The following DLG2 variants were observed in gnomAD, a reference collection of about 807,000 sequenced individuals.
The protein encoded by DLG2 is discs large MAGUK scaffold protein 2.
DLG2 carries 45 observed loss-of-function variants against 132.5 expected under a neutral mutation model. That is an observed-to-expected ratio of 0.34 (90% CI 0.27 to 0.44). DLG2 has a LOEUF of 0.44. DLG2 is among the 20% of genes least tolerant of loss of function. The pLI, the probability that DLG2 is intolerant of heterozygous loss-of-function variation, is 1.00. For missense variants in DLG2, 1,045 were observed against 1,196.9 expected (o/e 0.87, Z 1.87); for synonymous variants, 424 against 419.6 (o/e 1.01, Z -0.13).
chr11:84,528,492 G>T (rs2099327904), intron 7 of DLG2, among the ~76,000 whole-genome samples: 1 of 152,192 alleles, frequency 6.6e-6, no homozygotes, highest in Non-Finnish European at 1.5e-5. Context: ...AGATTATTCA[G>T]CTAATGATTC....
At chr11:84,757,283 G>C (rs573395027) in intron 6 of DLG2, among the ~76,000 whole-genome samples, 2 of 151,308 alleles carry the variant, frequency 1.3e-5, no homozygotes, top group African/African-American at 4.9e-5. Context: ...CCAAGTAAGT[G>C]TATATCTTTT....
At chr11:85,417,058 A>G (rs892890120) in intron 3 of DLG2, among the ~76,000 whole-genome samples, 7 of 152,156 alleles carry the variant, frequency 4.6e-5, no homozygotes, top group Non-Finnish European at 1.0e-4. Context: ...TTGGCCATTC[A>G]GTATGATATT....
intron 7 of DLG2, among the ~76,000 whole-genome samples, chr11:84,315,156 G>A (rs1485550666): frequency 2.6e-5 from 4 of 151,978 alleles, no homozygotes; most frequent in African/African-American, 7.2e-5. Flanking sequence ...ATCAGTATAC[G>A]GTCTATTTCA....
At chr11:83,599,146 G>A (rs2058105298) in intron 19 of DLG2, among the ~76,000 whole-genome samples, 1 of 152,168 alleles carries the variant, frequency 6.6e-6, no homozygotes, top group African/African-American at 2.4e-5. Flanking sequence ...TACTTGACAT[G>A]CTTGCTTAAT....
intron 7 of DLG2, among the ~76,000 whole-genome samples, chr11:84,354,986 T>C (rs1359516992): frequency 6.6e-6 from 1 of 152,112 alleles, no homozygotes; most frequent in Non-Finnish European, 1.5e-5. Context: ...ACATTTACTA[T>C]ATAGCAAGCA....
chr11:83,472,246 TC>T (rs2092133140), intron 23 of DLG2, among the ~76,000 whole-genome samples: 1 of 152,146 alleles, frequency 6.6e-6, no homozygotes. Context: ...TGGGTACAAG[TC>T]CCCATCTGAT....
chr11:84,021,449 C>T (rs950577367), intron 11 of DLG2, among the ~76,000 whole-genome samples: 3 of 152,100 alleles, frequency 2.0e-5, no homozygotes, highest in Non-Finnish European at 2.9e-5. Flanking sequence ...CCTGGTTGTG[C>T]TGCTGCAGTA....
chr11:84,272,392 T>A (rs1438174952), intron 7 of DLG2: 1 of 364,310 alleles, frequency 2.7e-6, no homozygotes, highest in African/African-American at 2.1e-5. Context: ...AGATTATTTT[T>A]TAAGACTCTT....
chr11:84,070,405 G>A (rs1352181294), intron 10 of DLG2, among the ~76,000 whole-genome samples: 1 of 152,118 alleles, frequency 6.6e-6, no homozygotes, highest in Admixed American at 6.6e-5. Context: ...TGTCCATAAT[G>A]TCCCAATTGC....
intron 6 of DLG2, among the ~76,000 whole-genome samples, chr11:85,079,926 G>A (rs11828495): frequency 0.014 from 2,061 of 152,094 alleles, 45 homozygotes; most frequent in African/African-American, 0.046. Context: ...CACCACACCT[G>A]GCCCACTAGG....
chr11:84,522,802 G>A (rs2099308484), intron 7 of DLG2, among the ~76,000 whole-genome samples: 1 of 152,108 alleles, frequency 6.6e-6, no homozygotes, highest in African/African-American at 2.4e-5. Context: ...TAAGTGTTTT[G>A]CTGTATAGCT....
chr11:84,373,265 C>CAAACAAAAAAAA (rs762481478), intron 7 of DLG2, among the ~76,000 whole-genome samples: 1 of 98,090 alleles, frequency 1.0e-5, no homozygotes, highest in African/African-American at 4.6e-5. Flanking sequence ...AAAAAAAAAA[C>CAAACAAAAAAAA]AAAACAAAAA....
At chr11:85,363,232 C>T (rs957750267) in intron 3 of DLG2, among the ~76,000 whole-genome samples, 1 of 152,162 alleles carries the variant, frequency 6.6e-6, no homozygotes, top group African/African-American at 2.4e-5. Context: ...CAATGTCCTA[C>T]TAAGAAGAAA....
At position 85,537,639 on chromosome 11, in the gene DLG2, C is replaced by A. The variant is rs188901280; in HGVS notation, c.40+61018G>T. On this transcript the variant is annotated intron_variant, in intron 3 of 27. Coordinates refer to ENST00000376104, the MANE Select transcript of DLG2 (RefSeq NM_001142699.3). ...AGCTTCACTCATGAGGCCAGCAAGA[C>A]CACGAACCCACCAGAAGGAATGAAC... Among the ~76,000 whole-genome samples, 963 of 151,878 alleles carry A rather than the reference C, an allele frequency of 6.3e-3. 8 individuals carry two copies. The highest frequency in any genetic ancestry group is 0.012 in the Non-Finnish European group (792 of 68,010).
At chr11:84,335,437 A>G (rs2098480027) in intron 7 of DLG2, among the ~76,000 whole-genome samples, 1 of 152,318 alleles carries the variant, frequency 6.6e-6, no homozygotes, top group Middle Eastern at 3.4e-3. Context: ...CCCAAGTGGG[A>G]ACTGCTACAA....
intron 7 of DLG2, among the ~76,000 whole-genome samples, chr11:84,324,308 T>C (rs1031599650): frequency 2.6e-5 from 4 of 152,140 alleles, no homozygotes; most frequent in African/African-American, 4.8e-5. Flanking sequence ...TAAAAGAGAC[T>C]CTTCTTTCCC....
intron 3 of DLG2, among the ~76,000 whole-genome samples, chr11:85,445,307 C>T (rs1009437205): frequency 1.8e-4 from 28 of 152,090 alleles, no homozygotes; most frequent in African/African-American, 6.8e-4. Flanking sequence ...TTAGACTCTC[C>T]CATCTCCTGG....
At chr11:84,430,610 T>G (rs2098981635) in intron 7 of DLG2, among the ~76,000 whole-genome samples, 1 of 152,164 alleles carries the variant, frequency 6.6e-6, no homozygotes, top group Non-Finnish European at 1.5e-5. Flanking sequence ...ACAGTGGTTT[T>G]GTGACCAACT....
intron 6 of DLG2, among the ~76,000 whole-genome samples, chr11:84,615,820 A>AAAAAAAAAAC (rs752847504): frequency 4.4e-5 from 6 of 135,970 alleles, no homozygotes; most frequent in African/African-American, 1.7e-4. Context: ...AAAAACGGTA[A>AAAAAAAAAAC]AAAAAAAAAA....
Sources: allele counts gnomAD v4.1 joint callset (sites outside exome capture counted in the v4.1 genomes callset), GRCh38; gene constraint gnomAD v4.1.1; transcripts MANE v1.5; gene names NCBI Gene and HGNC (gene_info 2026-07-23, HGNC 2026-07-21).